The following KCNAB1 variants were observed in gnomAD, a reference collection of about 807,000 sequenced individuals.
KCNAB1 encodes the protein voltage-gated potassium channel subunit beta-1.
A neutral mutation model predicts 64.6 loss-of-function variants in KCNAB1; 35 were observed. The ratio of observed to expected loss-of-function variants is 0.54; its 90% CI spans 0.41 to 0.72. The LOEUF (loss-of-function observed/expected upper bound fraction) is 0.72, where lower values mean the gene tolerates loss of function less well. Among genes scored for constraint, KCNAB1 ranks in the 30% least tolerant of loss-of-function variants. The pLI is 0.00. For synonymous variants in KCNAB1, 177 were observed against 183.8 expected, an observed-to-expected ratio of 0.96 and a Z score of 0.30; for missense variants, 401 against 512.9, an observed-to-expected ratio of 0.78 and a Z score of 2.11.
At chr3:156,193,086 A>G (rs1355555654) in intron 1 of KCNAB1, among the ~76,000 whole-genome samples, 1 of 150,544 alleles carries the variant, frequency 6.6e-6, no homozygotes, top group Non-Finnish European at 1.5e-5. Context: ...GTTCCCTTTT[A>G]CCTCTTTTTC....
chr3:156,395,235 C>T (rs964213917), intron 1 of KCNAB1, among the ~76,000 whole-genome samples: 5 of 151,960 alleles, frequency 3.3e-5, no homozygotes, highest in South Asian at 2.1e-4. Flanking sequence ...TGTGTTGTAA[C>T]GTGCAGTCTC....
chr3:156,529,286 A>G (rs1718531867), intron 12 of KCNAB1, among the ~76,000 whole-genome samples: 1 of 152,216 alleles, frequency 6.6e-6, no homozygotes, highest in Non-Finnish European at 1.5e-5. Context: ...GAAAAGACAA[A>G]TCTGGAGACA....
intron 1 of KCNAB1, among the ~76,000 whole-genome samples, chr3:156,184,987 C>G (rs1455388613): frequency 6.6e-6 from 1 of 152,164 alleles, no homozygotes; most frequent in Non-Finnish European, 1.5e-5. Context: ...TACAGTACCT[C>G]CATATCTCTG....
At chr3:156,468,446 GT>G (rs1265853608) in intron 7 of KCNAB1, among the ~76,000 whole-genome samples, 3 of 151,944 alleles carry the variant, frequency 2.0e-5, no homozygotes, top group African/African-American at 4.8e-5. Context: ...CTCACTGACT[GT>G]TTTTTTAATA....
chr3:156,447,991 G>A (rs892439528), intron 2 of KCNAB1, among the ~76,000 whole-genome samples: 3 of 152,154 alleles, frequency 2.0e-5, no homozygotes, highest in Admixed American at 6.5e-5. Context: ...ATCACCAAAC[G>A]ATAATGAGGT....
At chr3:156,337,203 G>T (rs553178938) in intron 1 of KCNAB1, among the ~76,000 whole-genome samples, 1 of 152,206 alleles carries the variant, frequency 6.6e-6, no homozygotes. Context: ...AGTGAGATAA[G>T]TTGGAAATAA....
chr3:156,505,372 T>C (rs901545301), intron 8 of KCNAB1, among the ~76,000 whole-genome samples: 1 of 152,230 alleles, frequency 6.6e-6, no homozygotes, highest in Non-Finnish European at 1.5e-5. Context: ...CAAGATTGCT[T>C]TGGCTATTCT....
intron 1 of KCNAB1, among the ~76,000 whole-genome samples, chr3:156,330,843 CA>C (rs1198198383): frequency 6.6e-6 from 1 of 152,190 alleles, no homozygotes; most frequent in East Asian, 1.9e-4. Context: ...CATGGCTTCT[CA>C]AAGCTTCCAG....
chr3:156,234,559 G>T (rs576320878), intron 1 of KCNAB1, among the ~76,000 whole-genome samples: 2 of 152,096 alleles, frequency 1.3e-5, no homozygotes, highest in South Asian at 4.1e-4. Context: ...TGAGGTCAAC[G>T]CTGGGAGTGG....
At chr3:156,148,120 C>T (rs957410901) in intron 1 of KCNAB1, among the ~76,000 whole-genome samples, 2 of 152,154 alleles carry the variant, frequency 1.3e-5, no homozygotes, top group African/African-American at 2.4e-5. Flanking sequence ...CACCTTCTGC[C>T]AGAATCATTG....
intron 1 of KCNAB1, among the ~76,000 whole-genome samples, chr3:156,353,816 A>G (rs1212635042): frequency 6.6e-6 from 1 of 152,154 alleles, no homozygotes; most frequent in Non-Finnish European, 1.5e-5. Context: ...TTTTTGTGTG[A>G]CCTAATCTCA....
chr3:156,435,113 G>T (rs1716500393), intron 2 of KCNAB1, among the ~76,000 whole-genome samples: 1 of 152,192 alleles, frequency 6.6e-6, no homozygotes, highest in Admixed American at 6.5e-5. Flanking sequence ...GAGATGGGGT[G>T]TTTCCATACC....
intron 4 of KCNAB1, among the ~76,000 whole-genome samples, chr3:156,458,868 A>AT (rs1395559243): frequency 6.6e-6 from 1 of 152,246 alleles, no homozygotes; most frequent in African/African-American, 2.4e-5. Flanking sequence ...TTCCACTGTG[A>AT]AATGCAAGGT....
At chr3:156,323,612 A>C (rs981310119) in intron 1 of KCNAB1, among the ~76,000 whole-genome samples, 1 of 152,090 alleles carries the variant, frequency 6.6e-6, no homozygotes, top group Non-Finnish European at 1.5e-5. Context: ...TGAAGAGAGG[A>C]TGTGAGGTGT....
chr3:156,218,801 A>AAAAAAAAAAAAAAAAAAAATAAT (rs371264941), intron 1 of KCNAB1, among the ~76,000 whole-genome samples: 2 of 112,244 alleles, frequency 1.8e-5, no homozygotes, highest in African/African-American at 3.5e-5. Flanking sequence ...AAAAAAAAAA[A>AAAAAAAAAAAAAAAAAAAATAAT]AATAATAATA....
intron 8 of KCNAB1, among the ~76,000 whole-genome samples, chr3:156,489,682 A>G (rs891752113): frequency 6.6e-6 from 1 of 152,166 alleles, no homozygotes; most frequent in African/African-American, 2.4e-5. Flanking sequence ...CAACACAGAG[A>G]CAAAGAAACA....
At chr3:156,279,123 C>A (rs1719539016) in intron 1 of KCNAB1, among the ~76,000 whole-genome samples, 1 of 149,444 alleles carries the variant, frequency 6.7e-6, no homozygotes, top group Admixed American at 6.7e-5. Flanking sequence ...CCCCTCCCAC[C>A]ACCCCACAAC....
At chr3:156,179,677 G>A (rs1712671928) in intron 1 of KCNAB1, among the ~76,000 whole-genome samples, 1 of 152,158 alleles carries the variant, frequency 6.6e-6, no homozygotes. Flanking sequence ...AGGCACCAAA[G>A]GCAGCAATAG....
intron 11 of KCNAB1, among the ~76,000 whole-genome samples, chr3:156,519,623 G>C (rs1717802208): frequency 6.6e-6 from 1 of 152,142 alleles, no homozygotes; most frequent in African/African-American, 2.4e-5. Context: ...GACTCTATTG[G>C]TTCACAAAGA....
Sources: gnomAD v4.1 joint callset for allele counts (sites outside exome capture counted in the v4.1 genomes callset) on GRCh38, gnomAD v4.1.1 for gene constraint, MANE v1.5 for transcripts, NCBI Gene and HGNC (gene_info 2026-07-23, HGNC 2026-07-21) for gene names.